CRISPLD2: variants seen among roughly 807,000 people sequenced by gnomAD.
CRISPLD2 encodes the protein cysteine rich secretory protein LCCL domain containing 2.
CRISPLD2 carries 47 observed loss-of-function variants against 71.1 expected under a neutral mutation model. The observed-to-expected ratio is 0.66, with a 90% confidence interval of 0.52 to 0.84. The LOEUF is 0.84. Ranked by LOEUF, CRISPLD2 falls within the 40% of genes least tolerant of loss-of-function variation. The pLI, the probability that CRISPLD2 is intolerant of heterozygous loss-of-function variation, is 0.00. For synonymous variants in CRISPLD2, 317 were observed against 250.1 expected, an observed-to-expected ratio of 1.27 and a Z score of -2.52; for missense variants, 830 against 651.1, an observed-to-expected ratio of 1.27 and a Z score of -2.99.
intron 1 of CRISPLD2, among the ~76,000 whole-genome samples, chr16:84,822,265 G>T (rs1344760664): frequency 2.0e-5 from 3 of 152,226 alleles, no homozygotes; most frequent in African/African-American, 7.2e-5. Flanking sequence ...TGACTGGGAA[G>T]GCCTGAGCTA....
At chr16:84,864,860 G>C (rs991719991) in intron 6 of CRISPLD2, among the ~76,000 whole-genome samples, 1 of 152,218 alleles carries the variant, frequency 6.6e-6, no homozygotes, top group Admixed American at 6.5e-5. Context: ...GCACATCCAA[G>C]ATTAGAATTG....
At chr16:84,895,063 G>C (rs558270408) in intron 14 of CRISPLD2, among the ~76,000 whole-genome samples, 56 of 152,272 alleles carry the variant, frequency 3.7e-4, no homozygotes, top group African/African-American at 1.2e-3. Context: ...AGACAGGCAG[G>C]TTCCCCTCCT....
intron 1 of CRISPLD2, among the ~76,000 whole-genome samples, chr16:84,832,447 G>A (rs1196486028): frequency 6.6e-6 from 1 of 152,258 alleles, no homozygotes; most frequent in African/African-American, 2.4e-5. Context: ...GTCCTTATAT[G>A]GCTTTTCTGA....
chr16:84,887,720 T>A (rs1394861351), intron 13 of CRISPLD2, among the ~76,000 whole-genome samples: 2 of 152,028 alleles, frequency 1.3e-5, no homozygotes, highest in Non-Finnish European at 2.9e-5. Flanking sequence ...CTACTAAAAA[T>A]ACAAAATTAG....
intron 14 of CRISPLD2, among the ~76,000 whole-genome samples, chr16:84,892,466 G>C (rs1172892226): frequency 6.6e-6 from 1 of 152,114 alleles, no homozygotes; most frequent in African/African-American, 2.4e-5. Flanking sequence ...AATAGTTTCT[G>C]TTTCTTAGGG....
intron 14 of CRISPLD2, among the ~76,000 whole-genome samples, chr16:84,904,413 A>G (rs57288780): frequency 0.59 from 89,619 of 151,602 alleles, 26,895 homozygotes; most frequent in East Asian, 0.83. Flanking sequence ...GCAAAACCCC[A>G]TCTCTGCTAA....
intron 6 of CRISPLD2, among the ~76,000 whole-genome samples, chr16:84,865,643 G>A (rs747713767): frequency 1.3e-5 from 2 of 152,124 alleles, no homozygotes; most frequent in Admixed American, 1.3e-4. Flanking sequence ...CATAAGTAAA[G>A]GTATTAAGTG....
intron 6 of CRISPLD2, among the ~76,000 whole-genome samples, chr16:84,863,926 C>T (rs1240613833): frequency 1.4e-5 from 2 of 141,868 alleles, no homozygotes; most frequent in African/African-American, 2.7e-5. Context: ...CATTGCACTC[C>T]AGCCTGGGCA....
At chr16:84,885,892 C>A (rs929337627) in intron 13 of CRISPLD2, among the ~76,000 whole-genome samples, 2 of 148,182 alleles carry the variant, frequency 1.3e-5, no homozygotes, top group Non-Finnish European at 3.0e-5. Context: ...CATCACAGCC[C>A]ACTGTGACCT....
At chr16:84,829,812 A>T (rs1916442774) in intron 1 of CRISPLD2, among the ~76,000 whole-genome samples, 1 of 152,250 alleles carries the variant, frequency 6.6e-6, no homozygotes, top group Non-Finnish European at 1.5e-5. Context: ...CTATTGTCAC[A>T]GTGGCCTCAT....
chr16:84,850,537 G>C, intron 4 of CRISPLD2, 31 bp from the exon 5 acceptor site: 2 of 1,588,526 alleles, frequency 1.3e-6, no homozygotes, highest in Non-Finnish European at 1.7e-6. Context: ...CTTATCCCTC[G>C]AGCTGTGACA....
At chr16:84,846,193 T>C (rs1916909869) in intron 3 of CRISPLD2, 1 of 264,836 alleles carries the variant, frequency 3.8e-6, no homozygotes, top group Admixed American at 5.3e-5. Flanking sequence ...TTTCCTTCCT[T>C]CCTTCCTCCC....
At chr16:84,858,807 T>C (rs1010287304) in intron 6 of CRISPLD2, among the ~76,000 whole-genome samples, 10 of 152,230 alleles carry the variant, frequency 6.6e-5, no homozygotes, top group African/African-American at 2.4e-4. Flanking sequence ...GAAAAAGGCA[T>C]TTTCCAAGTC....
At chr16:84,878,054 CAA>C (rs60773992) in intron 12 of CRISPLD2, among the ~76,000 whole-genome samples, 4,103 of 97,436 alleles carry the variant, frequency 0.042, 80 homozygotes, top group Admixed American at 0.076. Flanking sequence ...ACTAAAAATA[CAA>C]AAAAAAAAAA....
rs1220848039 is a variant in CRISPLD2, at chr16:84,835,585, C to G, written c.-74-2837C>G. 4.6e-5 allele frequency among the ~76,000 whole-genome samples: 7 copies of G among 152,326 alleles called. No individual in the cohort carries two copies. The East Asian group carries it at 1.3e-3, about 29-fold the overall frequency. On this transcript the variant is annotated intron_variant, in intron 1 of 14. Coordinates refer to ENST00000262424, the MANE Select transcript of CRISPLD2 (RefSeq NM_031476.4). The stretch of plus-strand genomic sequence containing the variant: ...ACCACCCAGCATGGCAGGCCTGTGT[C>G]TCCCAGGCTGGTGGCTTTTGTGGTG...
chr16:84,821,235 G>A (rs1200853860), intron 1 of CRISPLD2, among the ~76,000 whole-genome samples: 2 of 152,192 alleles, frequency 1.3e-5, no homozygotes, highest in Non-Finnish European at 2.9e-5. Flanking sequence ...CAGGACCGGG[G>A]CGTGGTCCTT....
At chr16:84,872,726 G>A (rs1222185129) in intron 9 of CRISPLD2, among the ~76,000 whole-genome samples, 2 of 152,190 alleles carry the variant, frequency 1.3e-5, no homozygotes, top group African/African-American at 4.8e-5. Flanking sequence ...GTCTTAGACT[G>A]AGCATTCACA....
At chr16:84,828,340 T>A (rs1043081275) in intron 1 of CRISPLD2, 2 of 152,170 alleles carry the variant, frequency 1.3e-5, no homozygotes, top group Non-Finnish European at 2.9e-5. Flanking sequence ...TCCTGGGTAG[T>A]CATAGCACCC....
At chr16:84,845,739 C>A in intron 2 of CRISPLD2, 47 bp from the exon 3 acceptor site, 1 of 1,287,254 alleles carries the variant, frequency 7.8e-7, no homozygotes, top group South Asian at 1.2e-5. Flanking sequence ...TTCTTATGCC[C>A]CTCCCTCACC....
Sources: allele counts gnomAD v4.1 joint callset (sites outside exome capture counted in the v4.1 genomes callset), GRCh38; gene constraint gnomAD v4.1.1; transcripts MANE v1.5; gene names NCBI Gene and HGNC (gene_info 2026-07-23, HGNC 2026-07-21).